The following FARS2 variants were observed in gnomAD, a reference collection of about 807,000 sequenced individuals.
FARS2 encodes phenylalanyl-tRNA synthetase 2, mitochondrial.
FARS2 carries 40 observed loss-of-function variants against 46.4 expected under a neutral mutation model. That is an observed-to-expected ratio of 0.86 (90% CI 0.67 to 1.12). The LOEUF is 1.12. Among genes scored for constraint, FARS2 ranks in the 50% most tolerant of loss-of-function variants. The pLI is 0.00. For synonymous variants in FARS2, 234 were observed against 214.9 expected, an observed-to-expected ratio of 1.09 and a Z score of -0.78; for missense variants, 513 against 567.9, an observed-to-expected ratio of 0.90 and a Z score of 0.98.
At chr6:5,505,860 A>G (rs935041852) in intron 4 of FARS2, among the ~76,000 whole-genome samples, 1 of 152,206 alleles carries the variant, frequency 6.6e-6, no homozygotes, top group Non-Finnish European at 1.5e-5. Context: ...TCCACCAGCT[A>G]TTATAATATT....
chr6:5,329,255 A>T (rs1770619484), intron 1 of FARS2, among the ~76,000 whole-genome samples: 1 of 152,188 alleles, frequency 6.6e-6, no homozygotes, highest in Non-Finnish European at 1.5e-5. Flanking sequence ...ATATCAATTT[A>T]TAAAACAAGC....
chr6:5,714,724 G>A (rs1288724717), intron 6 of FARS2, among the ~76,000 whole-genome samples: 5 of 152,040 alleles, frequency 3.3e-5, no homozygotes, highest in Non-Finnish European at 5.9e-5. Flanking sequence ...GCAGATGAGA[G>A]TAATAAAACT....
At chr6:5,656,485 C>A (rs991884807) in intron 6 of FARS2, among the ~76,000 whole-genome samples, 1 of 152,142 alleles carries the variant, frequency 6.6e-6, no homozygotes, top group African/African-American at 2.4e-5. Context: ...TTGCCACCCC[C>A]CAGAGCACCA....
intron 1 of FARS2, among the ~76,000 whole-genome samples, chr6:5,333,991 G>T (rs565953129): frequency 6.6e-5 from 10 of 152,242 alleles, no homozygotes; most frequent in Admixed American, 2.0e-4. Flanking sequence ...GGGACTTGAT[G>T]CCTGTCCTCT....
intron 2 of FARS2, among the ~76,000 whole-genome samples, chr6:5,399,499 C>T (rs141740436): frequency 3.9e-5 from 6 of 152,160 alleles, no homozygotes; most frequent in African/African-American, 1.2e-4. Flanking sequence ...AAAGTATTAA[C>T]GTCCTTCTAA....
intron 6 of FARS2, among the ~76,000 whole-genome samples, chr6:5,717,347 G>GTA (rs1217194063): frequency 1.6e-5 from 2 of 121,908 alleles, no homozygotes; most frequent in Non-Finnish European, 3.4e-5. Flanking sequence ...ACATAGATAT[G>GTA]TATATGTGTG....
At chr6:5,638,787 C>T (rs964299257) in intron 6 of FARS2, among the ~76,000 whole-genome samples, 2 of 152,150 alleles carry the variant, frequency 1.3e-5, no homozygotes, top group Admixed American at 6.5e-5. Flanking sequence ...TCAGTTTCCT[C>T]GCGCGAGAGA....
At chr6:5,675,199 GACACACACACACACAC>G (rs3057239) in intron 6 of FARS2, among the ~76,000 whole-genome samples, 2 of 144,952 alleles carry the variant, frequency 1.4e-5, no homozygotes, top group African/African-American at 2.6e-5. Flanking sequence ...TTTGCAGATA[GACACACACACACACAC>G]ACACACACAC....
intron 6 of FARS2, among the ~76,000 whole-genome samples, chr6:5,675,640 A>G (rs1037300885): frequency 6.6e-6 from 1 of 152,246 alleles, no homozygotes; most frequent in Non-Finnish European, 1.5e-5. Flanking sequence ...TGTGTCTCCA[A>G]GTTTCTGAAT....
chr6:5,764,095 G>A lies in FARS2; in HGVS notation c.1218-7196G>A, dbSNP rs750992449. On this transcript the variant is annotated intron_variant, in intron 6 of 6. Transcript: ENST00000274680. This position sits in a 1 kb window ranked among gnomAD's most constrained non-coding sequence, Gnocchi z 4.1. ...CGTAGGTATGGAGCGCCTACTCTGG[G>A]TGGCTGGCTCTGTATTAACACTCTA... Among the ~76,000 whole-genome samples the A allele has an allele frequency of 6.6e-6, 1 of 152,118 alleles. No homozygotes were observed. The highest frequency in any genetic ancestry group is 1.5e-5 in the Non-Finnish European group (1 of 68,030).
chr6:5,688,809 C>A (rs560653846), intron 6 of FARS2, among the ~76,000 whole-genome samples: 1 of 152,120 alleles, frequency 6.6e-6, no homozygotes, highest in Non-Finnish European at 1.5e-5. Context: ...TGGTAGAATT[C>A]GGCTGTGAAT....
intron 6 of FARS2, among the ~76,000 whole-genome samples, chr6:5,649,168 A>G (rs187678633): frequency 9.2e-5 from 14 of 152,334 alleles, no homozygotes; most frequent in African/African-American, 3.1e-4. Context: ...TTGCAGAATT[A>G]TGGCTGATGT....
intron 4 of FARS2, among the ~76,000 whole-genome samples, chr6:5,458,913 C>T (rs1173208397): frequency 1.3e-5 from 2 of 152,160 alleles, no homozygotes; most frequent in South Asian, 2.1e-4. Context: ...TGCCATTCTA[C>T]CCTGAAGATA....
chr6:5,415,899 G>A (rs779209440), intron 3 of FARS2, among the ~76,000 whole-genome samples: 5 of 152,064 alleles, frequency 3.3e-5, no homozygotes, highest in Non-Finnish European at 7.4e-5. Flanking sequence ...TAGAGATGGG[G>A]TCTCACTATA....
intron 4 of FARS2, among the ~76,000 whole-genome samples, chr6:5,442,822 G>GT (rs1160946779): frequency 1.3e-5 from 2 of 152,094 alleles, no homozygotes; most frequent in African/African-American, 4.8e-5. Context: ...GTCCTCCTAT[G>GT]TTTTTTAGTT....
chr6:5,496,858 A>AT (rs1226808805), intron 4 of FARS2, among the ~76,000 whole-genome samples: 3 of 151,814 alleles, frequency 2.0e-5, no homozygotes, highest in African/African-American at 7.3e-5. Context: ...ATTTAATTTT[A>AT]TTTTTTTAGA....
intron 2 of FARS2, among the ~76,000 whole-genome samples, chr6:5,393,889 G>A (rs1760735826): frequency 6.6e-6 from 1 of 152,204 alleles, no homozygotes. Flanking sequence ...GGCAGAGTGA[G>A]TGAGACATCT....
At chr6:5,622,470 T>C (rs1397403998) in intron 6 of FARS2, among the ~76,000 whole-genome samples, 3 of 152,208 alleles carry the variant, frequency 2.0e-5, no homozygotes, top group Non-Finnish European at 4.4e-5. Flanking sequence ...CAAACAGGAA[T>C]CTCTATTGTG....
intron 4 of FARS2, among the ~76,000 whole-genome samples, chr6:5,507,700 T>C (rs1768180672): frequency 6.6e-6 from 1 of 152,230 alleles, no homozygotes; most frequent in Non-Finnish European, 1.5e-5. Context: ...CATTTTCCAG[T>C]GTCCCAGCCC....
Sources: allele counts gnomAD v4.1 joint callset (sites outside exome capture counted in the v4.1 genomes callset), GRCh38; gene constraint gnomAD v4.1.1; non-coding constraint Gnocchi (gnomAD v3.1); transcripts MANE v1.5; gene names NCBI Gene and HGNC (gene_info 2026-07-23, HGNC 2026-07-21).